Variants in ST8SIA3 observed in about 807,000 individuals in gnomAD.
ST8SIA3 encodes alpha-N-acetylneuraminate alpha-2,8-sialyltransferase ST8SIA3.
Under a neutral mutation model 34.5 loss-of-function variants are expected in ST8SIA3, and 17 were observed. That is an observed-to-expected ratio of 0.49 (90% CI 0.34 to 0.74). The LOEUF (loss-of-function observed/expected upper bound fraction) is 0.74, where lower values mean the gene tolerates loss of function less well. Ranked by LOEUF, ST8SIA3 falls within the 30% of genes least tolerant of loss-of-function variation. The probability of loss-of-function intolerance (pLI) is 0.01; values close to 1 mark genes in which losing one functional copy is unlikely to be tolerated. For missense variants in ST8SIA3, 354 were observed against 467.8 expected, an observed-to-expected ratio of 0.76 and a Z score of 2.24; for synonymous variants, 172 against 176.1, an observed-to-expected ratio of 0.98 and a Z score of 0.19.
At position 57,358,266 on chromosome 18, in the gene ST8SIA3, A is replaced by G. The variant is rs566193364; in HGVS notation, c.860+796A>G. ...ACTAGTCCAGGGCATTTTATAAAACAAGATTAATTGTAGATTTTTTTTCTT... is the reference window on the plus strand; with the variant it reads ...ACTAGTCCAGGGCATTTTATAAAACGAGATTAATTGTAGATTTTTTTTCTT... On this transcript the variant is annotated intron_variant, in intron 3 of 3. Transcript: ENST00000324000. Among the ~76,000 whole-genome samples, 4 of 152,358 alleles carry G rather than the reference A, an allele frequency of 2.6e-5. No individual in the cohort carries two copies. The East Asian group carries it at 7.7e-4, about 29-fold the overall frequency.
intron 1 of ST8SIA3, among the ~76,000 whole-genome samples, chr18:57,353,847 G>A (rs1050223148): frequency 2.6e-4 from 40 of 152,206 alleles, no homozygotes; most frequent in African/African-American, 9.6e-4. Context: ...CCGAGGCGAG[G>A]AACCCAGAGG....
chr18:57,357,510 ATGGCAAATCAATGT>A, intron 3 of ST8SIA3, 40 bp downstream of exon 3: 2 of 1,494,976 alleles, frequency 1.3e-6, no homozygotes, highest in Middle Eastern at 1.7e-4. Context: ...ACTCCACCAG[ATGGCAAATCAATGT>A]TGTAATCTCT....
rs367813485 is a variant in ST8SIA3, at chr18:57,357,047, C to T, written c.437C>T (p.Ser146Leu). 2.2e-5 allele frequency: 36 copies of T among 1,613,944 alleles called. No individual in the cohort carries two copies. The highest frequency in any genetic ancestry group is 3.1e-5 in the Non-Finnish European group (36 of 1,179,988). Residue 146 changes from serine to leucine, a missense_variant, in exon 3 of 4, where the codon TCA (serine) becomes TTA (leucine). Coordinates refer to ENST00000324000, the MANE Select transcript of ST8SIA3 (RefSeq NM_015879.3). ...YVFSISNNFR[S>L]LLPDVSPIMN... The stretch of plus-strand genomic sequence containing the variant: ...TTCTCTATTAGCAATAACTTCCGGT[C>T]ACTTCTTCCAGATGTGTCACCCATT...
chr18:57,352,610 C>T lies in ST8SIA3; in HGVS notation c.-237C>T. On this transcript the variant is annotated 5_prime_UTR_variant, in exon 1 of 4. Coordinates refer to ENST00000324000, the MANE Select transcript of ST8SIA3 (RefSeq NM_015879.3). Reference sequence around the variant, plus strand: ...CATCTTCCTGCTCGGCACCGGGCCCCGCGCGCCCCTGCCTACGGGGTCCCG... The same window carrying T: ...CATCTTCCTGCTCGGCACCGGGCCCTGCGCGCCCCTGCCTACGGGGTCCCG... 1.9e-6 allele frequency: 1 copy of T among 525,274 alleles called. No individual in the cohort carries two copies. Among genetic ancestry groups the T allele is most frequent in the Non-Finnish European group, 3.4e-6 (1 of 294,594 alleles). The allele number at this position is 525,274 out of a possible 1,614,324, so 32.5% of individuals were successfully genotyped here.
chr18:57,353,553 T>C (rs2049778499), intron 1 of ST8SIA3, among the ~76,000 whole-genome samples: 1 of 152,018 alleles, frequency 6.6e-6, no homozygotes, highest in Non-Finnish European at 1.5e-5. Flanking sequence ...CCCTGGGGCG[T>C]TCTCTCTCAA....
In ST8SIA3 at chr18:57,365,584, C is replaced by T. The variant is rs1454013522; in HGVS notation, c.*5307C>T. 1.3e-5 allele frequency: 2 copies of T among 152,190 alleles called. No homozygotes were observed. The highest frequency in any genetic ancestry group is 4.8e-5 in the African/African-American group (2 of 41,450). 9.4% of individuals were successfully genotyped at this position (152,190 alleles called of 1,614,324 possible). A position where few individuals can be genotyped will look rare whatever the true frequency, so the allele number is the denominator to read the frequency against. On this transcript the variant is annotated 3_prime_UTR_variant, in exon 4 of 4. Transcript: ENST00000324000. The stretch of plus-strand genomic sequence containing the variant: ...AAACAGGGAACTGAAGTGATTCATT[C>T]AGATTCAATTTGGAAGTCATTCCCA...
rs2049803684 is a variant in ST8SIA3 at position 57,357,210 on chromosome 18, T to C, written c.600T>C (p.Asp200=). The C allele has an allele frequency of 6.2e-7, 1 of 1,614,038 alleles. No homozygotes were observed. The highest frequency in any genetic ancestry group is 8.5e-7 in the Non-Finnish European group (1 of 1,179,994). Reference sequence around the variant, plus strand: ...CCCCTACGGAGGCTTTCCAAAGAGATGTTGGAAGAAAAACCAATCTTACCA... The same window carrying C: ...CCCCTACGGAGGCTTTCCAAAGAGACGTTGGAAGAAAAACCAATCTTACCA... ...NFAPTEAFQR[D]VGRKTNLTTF... Residue 200 remains aspartate (D), a synonymous_variant, in exon 3 of 4, where the codon GAT becomes GAC. Transcript: ENST00000324000.
intron 2 of ST8SIA3, 54 bp from the exon 3 acceptor site, chr18:57,356,859 G>A: frequency 8.6e-7 from 1 of 1,166,232 alleles, no homozygotes; most frequent in Non-Finnish European, 1.2e-6. Flanking sequence ...GTCATAAGAT[G>A]GAAAATCAGT....
rs2049786761 is a variant in ST8SIA3, at chr18:57,354,481, CCTT to C, written c.262_264del (p.Ser88del). The C allele has an allele frequency of 2.5e-6, 4 of 1,614,142 alleles. No individual in the cohort carries two copies. The highest frequency in any genetic ancestry group is 3.3e-4 in the Middle Eastern group (2 of 6,062). On this transcript the variant is annotated inframe_deletion, in exon 2 of 4. Transcript: ENST00000324000. ...TCTCACCCAGGAACTCCAAGAGAAA[CCTT>C]CTAAGTGGAAATTTAATCGGACAGC...
chr18:57,354,656 G>T, intron 2 of ST8SIA3, 132 bp downstream of exon 2: 1 of 1,048,682 alleles, frequency 9.5e-7, no homozygotes. Flanking sequence ...ACCATCAGGT[G>T]TATCTGCATT....
rs1284332552 is a variant in ST8SIA3 at position 57,364,740 on chromosome 18, G to A, written c.*4463G>A. On this transcript the variant is annotated 3_prime_UTR_variant, in exon 4 of 4. Transcript: ENST00000324000. ...GAGGCCACAGATCAGTTGGTACTAA[G>A]CATCAAAATGATTCATTATGCCTCT... 1 of 152,626 alleles carries A rather than the reference G, an allele frequency of 6.6e-6. No individual in the cohort carries two copies. The highest frequency in any genetic ancestry group is 1.5e-5 in the Non-Finnish European group (1 of 68,048). The allele number at this position is 152,626 out of a possible 1,614,324, so 9.5% of individuals were successfully genotyped here. A position where few individuals can be genotyped will look rare whatever the true frequency, so the allele number is the denominator to read the frequency against.
intron 1 of ST8SIA3, 61 bp from the exon 2 acceptor site, chr18:57,354,341 G>T (rs1598901549): frequency 6.2e-7 from 1 of 1,606,436 alleles, no homozygotes. Flanking sequence ...CACTTTAATG[G>T]CTACCTCGGC....
chr18:57,364,527 T>C lies in ST8SIA3; in HGVS notation c.*4250T>C, dbSNP rs752780961. The stretch of plus-strand genomic sequence containing the variant: ...TTAAAACCTTTTTTCCCATAATTGT[T>C]TGAATGCACTAGGCACAAGTTTCTG... On this transcript the variant is annotated 3_prime_UTR_variant, in exon 4 of 4. Coordinates refer to ENST00000324000, the MANE Select transcript of ST8SIA3 (RefSeq NM_015879.3). 1.3e-5 allele frequency: 2 copies of C among 152,240 alleles called. No individual in the cohort carries two copies. The highest frequency in any genetic ancestry group is 2.9e-5 in the Non-Finnish European group (2 of 68,046). 9.4% of individuals were successfully genotyped at this position (152,240 alleles called of 1,614,324 possible).
chr18:57,368,031 A>G lies in ST8SIA3; in HGVS notation c.*7754A>G, dbSNP rs897544373. ...ATGTTATCTCAAGTCAGGATTCCAG[A>G]TCAACATCCTCCATGTGGAGATGAG... On this transcript the variant is annotated 3_prime_UTR_variant, in exon 4 of 4. Transcript: ENST00000324000. 1 of 152,560 alleles carries G rather than the reference A, an allele frequency of 6.6e-6. No homozygotes were observed. The highest frequency in any genetic ancestry group is 1.5e-5 in the Non-Finnish European group (1 of 68,050). The allele number at this position is 152,560 out of a possible 1,614,324, so 9.5% of individuals were successfully genotyped here.
In ST8SIA3 at chr18:57,361,112, T is replaced by C. The variant is rs1354764217; in HGVS notation, c.*835T>C. ...AGCATTGCGTCTCTTGATGTAGGCA[T>C]TGTTATGGCAAATAATAGCACTGTG... On this transcript the variant is annotated 3_prime_UTR_variant, in exon 4 of 4. Transcript: ENST00000324000. 6.6e-6 allele frequency: 1 copy of C among 152,202 alleles called. No individual in the cohort carries two copies. Among genetic ancestry groups the C allele is most frequent in the East Asian group, 1.9e-4 (1 of 5,202 alleles). The allele number at this position is 152,202 out of a possible 1,614,324, so 9.4% of individuals were successfully genotyped here.
rs2144206501 is a variant in ST8SIA3, at chr18:57,360,235, T to C, written c.1101T>C (p.His367=). ...AGTTTCAGCTGCTGTACCGAATGCA[T>C]GGGGAAGGGCTCACCAAGCTGACTC... ...PAEFQLLYRM[H]GEGLTKLTLS... is the part of the protein sequence containing the mutation. Residue 367 remains histidine, a synonymous_variant, in exon 4 of 4, where the codon CAT becomes CAC. Transcript: ENST00000324000. The C allele has an allele frequency of 2.5e-6, 4 of 1,614,060 alleles. No individual in the cohort carries two copies. Among genetic ancestry groups the C allele is most frequent in the Non-Finnish European group, 3.4e-6 (4 of 1,179,988 alleles).
In ST8SIA3 at chr18:57,357,391, G is replaced by T; in HGVS notation, c.781G>T (p.Val261Phe). ...TTCAGCAACTGTGACCAGGACATTA[G>T]TTGACTTTTTTGTTGAACACAGAGG... ...HTSATVTRTLVDFFVEHRGQL... is the reference protein window; with the variant it reads ...HTSATVTRTLFDFFVEHRGQL... The change falls in exon 3 of 4, where the codon GTT becomes TTT. Residue 261 changes from valine to phenylalanine, a missense_variant. By Grantham distance (50) the Val-to-Phe change is conservative. Coordinates refer to ENST00000324000, the MANE Select transcript of ST8SIA3 (RefSeq NM_015879.3). The T allele has an allele frequency of 6.2e-7, 1 of 1,613,066 alleles. No individual in the cohort carries two copies. Among genetic ancestry groups the T allele is most frequent in the Non-Finnish European group, 8.5e-7 (1 of 1,179,964 alleles).
intron 1 of ST8SIA3, among the ~76,000 whole-genome samples, chr18:57,353,904 G>C (rs1405597488): frequency 6.6e-6 from 1 of 152,224 alleles, no homozygotes; most frequent in East Asian, 1.9e-4. Context: ...GCCCCCGGGG[G>C]TCCCCAGCCA....
At position 57,363,018 on chromosome 18, in the gene ST8SIA3, G is replaced by A. The variant is rs1397972121; in HGVS notation, c.*2741G>A. Reference sequence around the variant, plus strand: ...CCTCCTCTTTCAGCTACAGACACATGCCCTGGCTTTTGCATTGACCTTGCT... The same window carrying A: ...CCTCCTCTTTCAGCTACAGACACATACCCTGGCTTTTGCATTGACCTTGCT... On this transcript the variant is annotated 3_prime_UTR_variant, in exon 4 of 4. Coordinates refer to ENST00000324000, the MANE Select transcript of ST8SIA3 (RefSeq NM_015879.3). 6.6e-6 allele frequency: 1 copy of A among 152,246 alleles called. No homozygotes were observed. Among genetic ancestry groups the A allele is most frequent in the Non-Finnish European group, 1.5e-5 (1 of 68,104 alleles). The allele number at this position is 152,246 out of a possible 1,614,324, so 9.4% of individuals were successfully genotyped here. A position where few individuals can be genotyped will look rare whatever the true frequency, so the allele number is the denominator to read the frequency against.
Sources: allele counts gnomAD v4.1 joint callset (sites outside exome capture counted in the v4.1 genomes callset), GRCh38; gene constraint gnomAD v4.1.1; transcripts MANE v1.5; gene names NCBI Gene and HGNC (gene_info 2026-07-23, HGNC 2026-07-21).